TENT5A: variants seen among roughly 807,000 people sequenced by gnomAD.
TENT5A encodes HBV X-transactivated gene 11 protein.
TENT5A carries 9 observed loss-of-function variants against 30.2 expected under a neutral mutation model. The observed-to-expected ratio is 0.30, with a 90% CI of 0.18 to 0.52. TENT5A has a LOEUF of 0.52. TENT5A is among the 20% of genes least tolerant of loss of function. The pLI, the probability that TENT5A is intolerant of heterozygous loss-of-function variation, is 0.97. For synonymous variants in TENT5A, 264 were observed against 234.2 expected, an observed-to-expected ratio of 1.13 and a Z score of -1.16; for missense variants, 411 against 566.1, an observed-to-expected ratio of 0.73 and a Z score of 2.78.
In TENT5A at chr6:81,746,058, C is replaced by T. The variant is rs1768879176; in HGVS notation, c.*3637G>A. The T allele has an allele frequency of 1.0e-6, 1 of 985,616 alleles. No individual in the cohort carries two copies. The highest frequency in any genetic ancestry group is 1.2e-6 in the Non-Finnish European group (1 of 829,800). 61.1% of individuals were successfully genotyped at this position (985,616 alleles called of 1,614,324 possible). A position where few individuals can be genotyped will look rare whatever the true frequency, so the allele number is the denominator to read the frequency against. ...TAACTTGACATCTTCCAACTTTGTA[C>T]TTTACCATTTGCTTTGTTAGAAAGC... On this transcript the variant is annotated 3_prime_UTR_variant, in exon 3 of 3. Transcript: ENST00000320172.
At chr6:81,751,156 C>T (rs1040045110) in intron 2 of TENT5A, among the ~76,000 whole-genome samples, 1 of 152,130 alleles carries the variant, frequency 6.6e-6, no homozygotes, top group African/African-American at 2.4e-5. Context: ...ATCTATTCAC[C>T]TTTTCCAGTA....
At chr6:81,752,371 C>T in intron 1 of TENT5A, 60 bp downstream of exon 1, 4 of 1,549,776 alleles carry the variant, frequency 2.6e-6, no homozygotes, top group Non-Finnish European at 2.6e-6. Flanking sequence ...AGAGCAGCCC[C>T]GCACCAAAAG....
Position 81,746,680 on chromosome 6 carries a change from C to T in TENT5A, c.*3015G>A, listed in dbSNP as rs1341657767. On this transcript the variant is annotated 3_prime_UTR_variant, in exon 3 of 3. Transcript: ENST00000320172. ...AGCCTCCAAAAGACAAAACTTCTTC[C>T]TGGTTTAAAGAAACAGCACACTAGG... 3 of 1,229,576 alleles carry T rather than the reference C, an allele frequency of 2.4e-6. No individual in the cohort carries two copies. The highest frequency in any genetic ancestry group is 6.3e-5 in the East Asian group (2 of 31,628). The allele number at this position is 1,229,576 out of a possible 1,614,324, so 76.2% of individuals were successfully genotyped here. A position where few individuals can be genotyped will look rare whatever the true frequency, so the allele number is the denominator to read the frequency against.
chr6:81,748,337 T>C lies in TENT5A; in HGVS notation c.*1358A>G, dbSNP rs536652450. 17 of 982,128 alleles carry C rather than the reference T, an allele frequency of 1.7e-5. No individual in the cohort carries two copies. The highest frequency in any genetic ancestry group is 4.7e-5 in the South Asian group (1 of 21,216). 60.8% of individuals were successfully genotyped at this position (982,128 alleles called of 1,614,324 possible). A position where few individuals can be genotyped will look rare whatever the true frequency, so the allele number is the denominator to read the frequency against. ...GGCAGTTCAATATAAAAAAGAGTGCTCTGCCAAACAAATATTCTCCCATTT... is the reference window on the plus strand; with the variant it reads ...GGCAGTTCAATATAAAAAAGAGTGCCCTGCCAAACAAATATTCTCCCATTT... On this transcript the variant is annotated 3_prime_UTR_variant, in exon 3 of 3. Transcript: ENST00000320172.
In TENT5A at chr6:81,748,349, A is replaced by G; in HGVS notation, c.*1346T>C. The G allele has an allele frequency of 1.0e-6, 1 of 984,062 alleles. No homozygotes were observed. The highest frequency in any genetic ancestry group is 4.7e-5 in the South Asian group (1 of 21,258). 61.0% of individuals were successfully genotyped at this position (984,062 alleles called of 1,614,324 possible). ...TAAAAAAGAGTGCTCTGCCAAACAA[A>G]TATTCTCCCATTTGTGGAATTTTAT... On this transcript the variant is annotated 3_prime_UTR_variant, in exon 3 of 3. Transcript: ENST00000320172.
chr6:81,751,582 G>A lies in TENT5A; in HGVS notation c.552+8C>T, dbSNP rs1325784457. 1 of 1,594,286 alleles carries A rather than the reference G, an allele frequency of 6.3e-7. No individual in the cohort carries two copies. The highest frequency in any genetic ancestry group is 8.6e-7 in the Non-Finnish European group (1 of 1,169,222). ...GTCAGGACCCAAGTGCATCTCGGGT[G>A]GTGTTACCTTGAGCGTGAGTGGTGT... On this transcript the variant is annotated splice_region_variant and intron_variant, in intron 2 of 2. Transcript: ENST00000320172.
chr6:81,752,119 A>G lies in TENT5A; in HGVS notation c.23T>C (p.Phe8Ser). 1.3e-6 allele frequency: 2 copies of G among 1,544,064 alleles called. No individual in the cohort carries two copies. Among genetic ancestry groups the G allele is most frequent in the Non-Finnish European group, 1.7e-6 (2 of 1,145,960 alleles). The change falls in exon 2 of 3, where the codon TTC becomes TCC. Residue 8 changes from phenylalanine (F) to serine (S), a missense_variant. Physicochemically the swap from Phe to Ser is radical, Grantham distance 155. This residue lies in a region of TENT5A where 34 missense variants were observed against 29.3 expected (regional missense o/e 1.16). Transcript: ENST00000320172. MAEGEGY[F>S]AMSEDELACS... ...GGCCAGCTCGTCCTCAGACATGGCG[A>G]AGTACCCTTCACCCTCCGCCATGTA... is the stretch of plus-strand genomic sequence containing the variant.
In TENT5A at chr6:81,749,042, A is replaced by C. The variant is rs1768970079; in HGVS notation, c.*653T>G. 1.0e-6 allele frequency: 1 copy of C among 985,726 alleles called. No individual in the cohort carries two copies. Among genetic ancestry groups the C allele is most frequent in the South Asian group, 4.7e-5 (1 of 21,292 alleles). 61.1% of individuals were successfully genotyped at this position (985,726 alleles called of 1,614,324 possible). A position where few individuals can be genotyped will look rare whatever the true frequency, so the allele number is the denominator to read the frequency against. The stretch of plus-strand genomic sequence containing the variant: ...TACATTTTAAAAATGTGATCTATGC[A>C]CGCAGCTGGAATTAATGGATTGTGT... On this transcript the variant is annotated 3_prime_UTR_variant, in exon 3 of 3. Coordinates refer to ENST00000320172, the MANE Select transcript of TENT5A (RefSeq NM_017633.3).
chr6:81,752,410 CGA>C lies in TENT5A; in HGVS notation c.-38+19_-38+20del, dbSNP rs1039050892. ...CTCTGATGCATCTGGAAAGCGCAAGCGAGAGTCCCGTCTGTGTCACCTGGAGG... is the reference window on the plus strand; with the variant it reads ...CTCTGATGCATCTGGAAAGCGCAAGCGAGTCCCGTCTGTGTCACCTGGAGG... On this transcript the variant is annotated intron_variant, in intron 1 of 2. Coordinates refer to ENST00000320172, the MANE Select transcript of TENT5A (RefSeq NM_017633.3). 2 of 1,549,976 alleles carry C rather than the reference CGA, an allele frequency of 1.3e-6. No homozygotes were observed. The highest frequency in any genetic ancestry group is 2.7e-5 in the African/African-American group (2 of 72,970).
Position 81,748,602 on chromosome 6 carries a change from C to A in TENT5A, c.*1093G>T, listed in dbSNP as rs1768933516. On this transcript the variant is annotated 3_prime_UTR_variant, in exon 3 of 3. Transcript: ENST00000320172. ...TTGAGACATTATTCTAGATCATAGT[C>A]AATCTACTGTGTATATATACATATA... 1 of 961,418 alleles carries A rather than the reference C, an allele frequency of 1.0e-6. No individual in the cohort carries two copies. The highest frequency in any genetic ancestry group is 1.2e-6 in the Non-Finnish European group (1 of 808,422). The allele number at this position is 961,418 out of a possible 1,614,324, so 59.6% of individuals were successfully genotyped here.
Position 81,747,344 on chromosome 6 carries a change from A to C in TENT5A, c.*2351T>G. ...AATGTTTCCTGGGAAGTTGCAATTA[A>C]TTTTTCAAACCCAGGGCTTAAGTGA... On this transcript the variant is annotated 3_prime_UTR_variant, in exon 3 of 3. Transcript: ENST00000320172. 1 of 985,820 alleles carries C rather than the reference A, an allele frequency of 1.0e-6. No homozygotes were observed. Among genetic ancestry groups the C allele is most frequent in the Non-Finnish European group, 1.2e-6 (1 of 829,918 alleles). 61.1% of individuals were successfully genotyped at this position (985,820 alleles called of 1,614,324 possible).
At chr6:81,751,057 G>C (rs916724365) in intron 2 of TENT5A, among the ~76,000 whole-genome samples, 1 of 152,084 alleles carries the variant, frequency 6.6e-6, no homozygotes, top group African/African-American at 2.4e-5. Context: ...GGGTGGGGAG[G>C]GGGTGCCACT....
Position 81,748,652 on chromosome 6 carries a change from T to C in TENT5A, c.*1043A>G. 1.1e-6 allele frequency: 1 copy of C among 911,330 alleles called. No homozygotes were observed. Among genetic ancestry groups the C allele is most frequent in the Non-Finnish European group, 1.3e-6 (1 of 762,498 alleles). The allele number at this position is 911,330 out of a possible 1,614,324, so 56.5% of individuals were successfully genotyped here. A position where few individuals can be genotyped will look rare whatever the true frequency, so the allele number is the denominator to read the frequency against. ...AAAATGTATATATAAAATGTATATA[T>C]ACACACACACATATAATTTATACAC... On this transcript the variant is annotated 3_prime_UTR_variant, in exon 3 of 3. Transcript: ENST00000320172.
At chr6:81,751,355 G>A (rs1443905078) in intron 2 of TENT5A, among the ~76,000 whole-genome samples, 5 of 152,224 alleles carry the variant, frequency 3.3e-5, no homozygotes, top group Non-Finnish European at 5.9e-5. Context: ...AGAGAGGGCA[G>A]AGGAGGACCT....
chr6:81,750,211 G>T lies in TENT5A; in HGVS notation c.813C>A (p.Ala271=), dbSNP rs1348059414. ...GESVYGDFQE[A]FDHLCNKIIA... is the part of the protein sequence containing the mutation. ...TGATCTTGTTACAAAGGTGATCAAA[G>T]GCTTCCTGGAAATCGCCATAGACGC... The change falls in exon 3 of 3, where the codon GCC becomes GCA. Residue 271 remains alanine, a synonymous_variant. Transcript: ENST00000320172. The surrounding 1 kb of genome is among the most constrained non-coding windows in gnomAD (Gnocchi z 4.2). 6.2e-7 allele frequency: 1 copy of T among 1,614,160 alleles called. No homozygotes were observed. Among genetic ancestry groups the T allele is most frequent in the Admixed American group, 1.7e-5 (1 of 60,018 alleles).
chr6:81,750,571 C>A lies in TENT5A; in HGVS notation c.553-100G>T. On this transcript the variant is annotated intron_variant, in intron 2 of 2. Coordinates refer to ENST00000320172, the MANE Select transcript of TENT5A (RefSeq NM_017633.3). This position sits in a 1 kb window ranked among gnomAD's most constrained non-coding sequence, Gnocchi z 4.2. ...CAGCTGAGAATTATTTTGCTCTTTC[C>A]CTTTTGTTTTGTCAAGTTTCAGCCA... 1 of 801,148 alleles carries A rather than the reference C, an allele frequency of 1.2e-6. No homozygotes were observed. The highest frequency in any genetic ancestry group is 2.1e-5 in the South Asian group (1 of 46,792). 49.6% of individuals were successfully genotyped at this position (801,148 alleles called of 1,614,324 possible).
Position 81,749,730 on chromosome 6 carries a change from G to C in TENT5A, c.1294C>G (p.Gln432Glu). ...AQVQPVFTCQ[Q>E]QTYSTWLPCN ...GGTAGCCAAGTGGAGTAGGTCTGTT[G>C]CTGGCACGTGAATACTGGCTGAACC... The change falls in exon 3 of 3, where the codon CAA (glutamine) becomes GAA (glutamate). Residue 432 changes from glutamine to glutamate, a missense_variant. Gln to Glu is a conservative substitution (Grantham distance 29, BLOSUM62 2). This residue lies in a region of TENT5A where 75 missense variants were observed against 80.9 expected (regional missense o/e 0.93). Transcript: ENST00000320172. 1.9e-6 allele frequency: 3 copies of C among 1,612,286 alleles called. No homozygotes were observed. Among genetic ancestry groups the C allele is most frequent in the Non-Finnish European group, 1.7e-6 (2 of 1,179,750 alleles).
rs867766625 is a variant in TENT5A at position 81,752,284 on chromosome 6, T to C, written c.-37-106A>G. 2.2e-5 allele frequency: 33 copies of C among 1,504,718 alleles called. No individual in the cohort carries two copies. In the Middle Eastern group the frequency reaches 5.3e-4, roughly 24 times the overall value. The allele number at this position is 1,504,718 out of a possible 1,614,324, so 93.2% of individuals were successfully genotyped here. On this transcript the variant is annotated intron_variant, in intron 1 of 2. Coordinates refer to ENST00000320172, the MANE Select transcript of TENT5A (RefSeq NM_017633.3). ...AGGAAAAGAGCGCCCCCTCCCCCGA[T>C]AGTTCCCTGACCCCGGGCCTCCTCG...
Position 81,752,442 on chromosome 6 carries a change from C to T in TENT5A, c.-49G>A. 4 of 1,550,180 alleles carry T rather than the reference C, an allele frequency of 2.6e-6. No homozygotes were observed. The highest frequency in any genetic ancestry group is 2.6e-6 in the Non-Finnish European group (3 of 1,146,886). On this transcript the variant is annotated 5_prime_UTR_variant, in exon 1 of 3. Transcript: ENST00000320172. Reference sequence around the variant, plus strand: ...CCCGTCTGTGTCACCTGGAGGCGGCCGCCCCTTCTAGGAGCGCAGCGAGCG... The same window carrying T: ...CCCGTCTGTGTCACCTGGAGGCGGCTGCCCCTTCTAGGAGCGCAGCGAGCG...
Sources: gnomAD v4.1 joint callset for allele counts (sites outside exome capture counted in the v4.1 genomes callset) on GRCh38, gnomAD v4.1.1 for gene constraint, gnomAD v4.1.1 regional missense constraint, Gnocchi (gnomAD v3.1) non-coding constraint, MANE v1.5 for transcripts, NCBI Gene and HGNC (gene_info 2026-07-23, HGNC 2026-07-21) for gene names.